The following MCTP2 variants were observed in gnomAD, a reference collection of about 807,000 sequenced individuals.
MCTP2 encodes multiple C2 and transmembrane domain containing 2.
Under a neutral mutation model 111.6 loss-of-function variants are expected in MCTP2, and 132 were observed. The ratio of observed to expected loss-of-function variants is 1.18; its 90% CI spans 1.03 to 1.37. MCTP2 has a LOEUF of 1.37. MCTP2 is among the 40% of genes most tolerant of loss of function. The probability of loss-of-function intolerance (pLI) is 0.00; values close to 1 mark genes in which losing one functional copy is unlikely to be tolerated. For synonymous variants in MCTP2, 395 were observed against 387.7 expected, an observed-to-expected ratio of 1.02 and a Z score of -0.22; for missense variants, 1,183 against 1,067.9, an observed-to-expected ratio of 1.11 and a Z score of -1.50.
At chr15:94,459,145 T>G (rs934272232) in intron 20 of MCTP2, among the ~76,000 whole-genome samples, 1 of 152,230 alleles carries the variant, frequency 6.6e-6, no homozygotes. Context: ...TATTTCCCCC[T>G]TTAATCTAGA....
chr15:94,464,257 T>TATATATATTATATATATATATATTATATA, intron 20 of MCTP2, among the ~76,000 whole-genome samples: 1 of 44,948 alleles, frequency 2.2e-5, no homozygotes, highest in African/African-American at 6.0e-5. Flanking sequence ...TATATATATA[T>TATATATATTATATATATATATATTATATA]TATATATATA....
chr15:94,415,032 G>A (rs1015546331), intron 17 of MCTP2, among the ~76,000 whole-genome samples: 1 of 152,008 alleles, frequency 6.6e-6, no homozygotes, highest in Non-Finnish European at 1.5e-5. Context: ...CATGAATAAT[G>A]CCTTCTATGT....
intron 19 of MCTP2, among the ~76,000 whole-genome samples, chr15:94,450,078 ATTATT>A (rs772172193): frequency 5.8e-4 from 88 of 152,136 alleles, no homozygotes; most frequent in Non-Finnish European, 9.6e-4. Context: ...TTTCAACCCT[ATTATT>A]TGATACTAGA....
At chr15:94,242,931 A>T (rs552974474) in intron 1 of MCTP2, among the ~76,000 whole-genome samples, 2 of 140,902 alleles carry the variant, frequency 1.4e-5, no homozygotes, top group East Asian at 4.3e-4. Flanking sequence ...GTACACATAT[A>T]CACGTGTATA....
chr15:94,462,217 A>G (rs947212454), intron 20 of MCTP2, among the ~76,000 whole-genome samples: 1 of 152,204 alleles, frequency 6.6e-6, no homozygotes, highest in Admixed American at 6.5e-5. Flanking sequence ...GATGTGTCAC[A>G]ATCATTTTTG....
chr15:94,406,942 A>G (rs1342256576), intron 17 of MCTP2, among the ~76,000 whole-genome samples: 1 of 151,054 alleles, frequency 6.6e-6, no homozygotes, highest in African/African-American at 2.4e-5. Context: ...ATGTTCCTTT[A>G]AAATATCTTG....
chr15:94,260,391 G>A (rs1353802021), intron 1 of MCTP2, among the ~76,000 whole-genome samples: 2 of 152,168 alleles, frequency 1.3e-5, no homozygotes, highest in Non-Finnish European at 2.9e-5. Context: ...TTCATTGATA[G>A]GCTGGCATTC....
chr15:94,428,753 G>T (rs1482446220), intron 17 of MCTP2, among the ~76,000 whole-genome samples: 2 of 151,786 alleles, frequency 1.3e-5, no homozygotes, highest in East Asian at 1.9e-4. Context: ...CTAATTTTCT[G>T]TTCAGCTGCT....
At chr15:94,460,657 A>T in intron 20 of MCTP2, among the ~76,000 whole-genome samples, 1 of 152,188 alleles carries the variant, frequency 6.6e-6, no homozygotes, top group South Asian at 2.1e-4. Flanking sequence ...CTGAGGAGAG[A>T]AGAGGGCAGA....
At chr15:94,368,996 A>G (rs2079345842) in intron 11 of MCTP2, among the ~76,000 whole-genome samples, 1 of 152,242 alleles carries the variant, frequency 6.6e-6, no homozygotes, top group Non-Finnish European at 1.5e-5. Context: ...TGCTGTTTCA[A>G]AGCACAAGTT....
At chr15:94,390,084 ATATATG>A (rs1440696475) in intron 14 of MCTP2, among the ~76,000 whole-genome samples, 134 of 19,224 alleles carry the variant, frequency 7.0e-3, no homozygotes, top group South Asian at 0.024. Context: ...ATATATATAT[ATATATG>A]TATATATATA....
intron 12 of MCTP2, among the ~76,000 whole-genome samples, chr15:94,377,996 A>C (rs1021738774): frequency 6.6e-6 from 1 of 152,148 alleles, no homozygotes; most frequent in African/African-American, 2.4e-5. Flanking sequence ...GAGGATGTTC[A>C]TGTCTTAGGT....
intron 2 of MCTP2, among the ~76,000 whole-genome samples, chr15:94,312,748 G>A (rs1374221495): frequency 2.6e-5 from 4 of 152,264 alleles, no homozygotes; most frequent in South Asian, 4.2e-4. Context: ...CTCAGGGCTC[G>A]TTTCTGCCCA....
At chr15:94,249,774 C>T (rs1596177674) in intron 1 of MCTP2, among the ~76,000 whole-genome samples, 2 of 152,058 alleles carry the variant, frequency 1.3e-5, no homozygotes, top group African/African-American at 2.4e-5. Context: ...CATGAGCCAC[C>T]GTGCCTGGCC....
At position 94,260,209 on chromosome 15, in the gene MCTP2, G is replaced by GA. The variant is rs1470889661; in HGVS notation, c.-66+28545_-66+28546insA. On this transcript the variant is annotated intron_variant, in intron 1 of 22. Coordinates refer to ENST00000357742, the MANE Select transcript of MCTP2 (RefSeq NM_001385001.1). ...TCTCCTGTTCCTCAGGGGCAATAAG[G>GA]GTATGCGAAAATTCCTCCCCGACTC... Among the ~76,000 whole-genome samples, 3 of 152,096 alleles carry GA rather than the reference G, an allele frequency of 2.0e-5. No homozygotes were observed. In the East Asian group the frequency reaches 5.8e-4, roughly 29 times the overall value.
intron 1 of MCTP2, among the ~76,000 whole-genome samples, chr15:94,261,175 G>A (rs1230234531): frequency 6.6e-6 from 1 of 152,156 alleles, no homozygotes; most frequent in African/African-American, 2.4e-5. Flanking sequence ...TATCTTTCAT[G>A]TATTGATTGA....
At chr15:94,383,966 C>G in intron 12 of MCTP2, 56 bp from the exon 13 acceptor site, 1 of 1,248,508 alleles carries the variant, frequency 8.0e-7, no homozygotes, top group Non-Finnish European at 1.2e-6. Context: ...TTCACATTGC[C>G]CTTGTCCCTT....
intron 9 of MCTP2, among the ~76,000 whole-genome samples, chr15:94,357,489 G>A (rs1172315802): frequency 1.3e-5 from 2 of 151,910 alleles, no homozygotes; most frequent in Non-Finnish European, 2.9e-5. Context: ...TTCAGTATCT[G>A]CTACATTCAC....
rs147732902 is a variant in MCTP2 at position 94,276,045 on chromosome 15, C to T, written c.-65-22156C>T. Among the ~76,000 whole-genome samples, 1,291 of 152,020 alleles carry T rather than the reference C, an allele frequency of 8.5e-3. 13 individuals are homozygous for T. The highest frequency in any genetic ancestry group is 0.023 in the African/African-American group (959 of 41,480). ...ATTTTTAGTAGAGATGGGATTTCAC[C>T]GTGTTAGCCAGGATGGTCTTGATCT... On this transcript the variant is annotated intron_variant, in intron 1 of 22. Transcript: ENST00000357742.
Sources: gnomAD v4.1 joint callset for allele counts (sites outside exome capture counted in the v4.1 genomes callset) on GRCh38, gnomAD v4.1.1 for gene constraint, MANE v1.5 for transcripts, NCBI Gene and HGNC (gene_info 2026-07-23, HGNC 2026-07-21) for gene names.